ZIM2: variants seen among roughly 807,000 people sequenced by gnomAD.
ZIM2 encodes zinc finger imprinted 2.
A neutral mutation model predicts 38.6 loss-of-function variants in ZIM2; 14 were observed. The observed-to-expected ratio is 0.36, with a 90% CI of 0.24 to 0.57. The LOEUF (loss-of-function observed/expected upper bound fraction) is 0.57. Among genes scored for constraint, ZIM2 ranks in the 20% least tolerant of loss-of-function variants. The probability of loss-of-function intolerance (pLI) is 0.81; values close to 1 mark genes in which losing one functional copy is unlikely to be tolerated. For synonymous variants in ZIM2, 247 were observed against 245.8 expected (o/e 1.00, Z -0.04); for missense variants, 680 against 695.1 (o/e 0.98, Z 0.24).
At chr19:56,797,343 CTA>C (rs2047282871) in intron 9 of ZIM2, among the ~76,000 whole-genome samples, 1 of 151,760 alleles carries the variant, frequency 6.6e-6, no homozygotes, top group Non-Finnish European at 1.5e-5. Flanking sequence ...TAAGCTGTGA[CTA>C]TGTGAGGGTG....
At chr19:56,829,145 G>A (rs1245196351) in intron 2 of ZIM2, among the ~76,000 whole-genome samples, 2 of 152,140 alleles carry the variant, frequency 1.3e-5, no homozygotes, top group Admixed American at 1.3e-4. Flanking sequence ...GAGGTCAGGA[G>A]TTCGAGACCA....
At chr19:56,803,416 T>C (rs2047616482) in intron 9 of ZIM2, among the ~76,000 whole-genome samples, 1 of 152,210 alleles carries the variant, frequency 6.6e-6, no homozygotes, top group Admixed American at 6.5e-5. Flanking sequence ...AGATGTGCTA[T>C]GTTCTCTCCC....
intron 9 of ZIM2, among the ~76,000 whole-genome samples, chr19:56,800,551 A>G (rs1246711537): frequency 1.3e-5 from 2 of 152,186 alleles, no homozygotes; most frequent in Non-Finnish European, 2.9e-5. Flanking sequence ...TATGTAGTTT[A>G]GAGGTTATTT....
chr19:56,785,692 A>G (rs1054281681), intron 10 of ZIM2, among the ~76,000 whole-genome samples: 3 of 152,156 alleles, frequency 2.0e-5, no homozygotes, highest in East Asian at 3.9e-4. Flanking sequence ...AGCCCTTGAC[A>G]TGGATATACT....
At chr19:56,813,408 G>A in intron 9 of ZIM2, 2 of 1,268,042 alleles carry the variant, frequency 1.6e-6, no homozygotes, top group Non-Finnish European at 1.0e-6. Context: ...ATACTCATAG[G>A]GTTTTCTCAA....
chr19:56,809,435 G>A (rs986310694), intron 9 of ZIM2, among the ~76,000 whole-genome samples: 2 of 152,142 alleles, frequency 1.3e-5, no homozygotes, highest in Non-Finnish European at 2.9e-5. Flanking sequence ...CACAGCAGCC[G>A]CAAATTGGGT....
intron 9 of ZIM2, among the ~76,000 whole-genome samples, chr19:56,795,216 C>T (rs911975580): frequency 6.6e-6 from 1 of 152,184 alleles, no homozygotes; most frequent in Non-Finnish European, 1.5e-5. Flanking sequence ...AGCGCAGAGC[C>T]GTCCTGGGTC....
At chr19:56,830,462 A>G (rs570535777) in intron 2 of ZIM2, among the ~76,000 whole-genome samples, 182 of 152,362 alleles carry the variant, frequency 1.2e-3, no homozygotes, top group African/African-American at 4.2e-3. Flanking sequence ...AGCATTATAA[A>G]GACTTATCTC....
At chr19:56,811,110 T>C in intron 9 of ZIM2, 1 of 984,574 alleles carries the variant, frequency 1.0e-6, no homozygotes, top group Non-Finnish European at 1.2e-6. Context: ...TTTTTTTTCC[T>C]CCACTTTTCT....
intron 9 of ZIM2, among the ~76,000 whole-genome samples, chr19:56,802,983 AC>A (rs1251344085): frequency 3.9e-5 from 6 of 152,164 alleles, no homozygotes; most frequent in Non-Finnish European, 8.8e-5. Context: ...GGACCCACTG[AC>A]CTGGGTAATG....
At chr19:56,839,982 A>C (rs915487758) in intron 1 of ZIM2, among the ~76,000 whole-genome samples, 2 of 152,210 alleles carry the variant, frequency 1.3e-5, no homozygotes, top group African/African-American at 2.4e-5. Flanking sequence ...AAACCCCTAC[A>C]GGCAGGACAG....
At chr19:56,782,850 C>T (rs2046394852) in intron 10 of ZIM2, among the ~76,000 whole-genome samples, 1 of 152,006 alleles carries the variant, frequency 6.6e-6, no homozygotes, top group African/African-American at 2.4e-5. Flanking sequence ...GGCATTTATC[C>T]TTTGAGTTAC....
intron 10 of ZIM2, among the ~76,000 whole-genome samples, chr19:56,786,147 C>G (rs1004988360): frequency 1.3e-5 from 2 of 152,148 alleles, no homozygotes. Flanking sequence ...CGCACGGTAC[C>G]CCATACATTT....
intron 1 of ZIM2, among the ~76,000 whole-genome samples, chr19:56,839,812 G>A (rs2062764945): frequency 6.6e-6 from 1 of 150,588 alleles, no homozygotes; most frequent in African/African-American, 2.4e-5. Context: ...ATAAAAGATG[G>A]CACCCAGTGG....
chr19:56,836,981 A>T (rs935678158), intron 1 of ZIM2, among the ~76,000 whole-genome samples: 3 of 15,360 alleles, frequency 2.0e-4, no homozygotes, highest in African/African-American at 3.9e-4. Flanking sequence ...AAAAAAAAAA[A>T]AAAAAAAAAA....
chr19:56,803,670 A>T (rs1045994608), intron 9 of ZIM2, among the ~76,000 whole-genome samples: 4 of 152,236 alleles, frequency 2.6e-5, no homozygotes, highest in Admixed American at 1.3e-4. Flanking sequence ...AAACCAGCCC[A>T]CATGGCAATA....
chr19:56,795,383 A>C (rs547412848), intron 9 of ZIM2, among the ~76,000 whole-genome samples: 4 of 152,272 alleles, frequency 2.6e-5, no homozygotes, highest in Non-Finnish European at 5.9e-5. Flanking sequence ...CCTCAAGTCC[A>C]CTGGGGCCCC....
intron 9 of ZIM2, chr19:56,815,560 G>A: frequency 1.2e-6 from 2 of 1,614,010 alleles, no homozygotes; most frequent in Non-Finnish European, 1.7e-6. Flanking sequence ...AGGGCGAAAT[G>A]TTTGTTCACC....
In ZIM2 at chr19:56,782,130, G is replaced by A; in HGVS notation, c.571-9C>T. 6.2e-7 allele frequency: 1 copy of A among 1,612,712 alleles called. No homozygotes were observed. Among genetic ancestry groups the A allele is most frequent in the Non-Finnish European group, 8.5e-7 (1 of 1,179,068 alleles). On this transcript the variant is annotated splice_polypyrimidine_tract_variant and intron_variant, in intron 10 of 12. Transcript: ENST00000629319. The stretch of plus-strand genomic sequence containing the variant: ...TGTTTGAAGTCCGGGAACTATCCCA[G>A]AGAGAGGAGAAGGGACGTGATTAGA...
Sources: allele counts gnomAD v4.1 joint callset (sites outside exome capture counted in the v4.1 genomes callset), GRCh38; gene constraint gnomAD v4.1.1; transcripts MANE v1.5; gene names NCBI Gene and HGNC (gene_info 2026-07-23, HGNC 2026-07-21).